The following VKORC1L1 variants were observed in gnomAD, a reference collection of about 807,000 sequenced individuals.
VKORC1L1 encodes vitamin K epoxide reductase complex subunit 1-like protein 1.
Under a neutral mutation model 18.9 loss-of-function variants are expected in VKORC1L1, and 2 were observed. The ratio of observed to expected loss-of-function variants is 0.11; its 90% confidence interval spans 0.04 to 0.33. VKORC1L1 has a LOEUF of 0.33. Among genes scored for constraint, VKORC1L1 ranks in the 10% least tolerant of loss-of-function variants. The pLI, the probability that VKORC1L1 is intolerant of heterozygous loss-of-function variation, is 1.00. For synonymous variants in VKORC1L1, 96 were observed against 100.0 expected (o/e 0.96, Z 0.24); for missense variants, 123 against 224.1 (o/e 0.55, Z 2.88).
intron 1 of VKORC1L1, among the ~76,000 whole-genome samples, chr7:65,916,676 G>A (rs1583846768): frequency 6.6e-6 from 1 of 151,254 alleles, no homozygotes; most frequent in Non-Finnish European, 1.5e-5. Context: ...TCAGCCCACT[G>A]CAACCTCCAC....
chr7:65,949,916 C>G (rs912562288), intron 2 of VKORC1L1, among the ~76,000 whole-genome samples: 2 of 152,176 alleles, frequency 1.3e-5, no homozygotes, highest in Admixed American at 1.3e-4. Context: ...TAAAGACCTC[C>G]TGCTCCTTCC....
At chr7:65,880,006 A>T (rs1004033753) in intron 1 of VKORC1L1, among the ~76,000 whole-genome samples, 8 of 151,838 alleles carry the variant, frequency 5.3e-5, no homozygotes, top group African/African-American at 1.9e-4. Context: ...TGCACACCCC[A>T]CCATGCCTAG....
At chr7:65,868,923 G>A (rs1788692898), upstream of VKORC1L1, among the ~76,000 whole-genome samples, 1 of 151,904 alleles carries the variant, frequency 6.6e-6, no homozygotes, top group Middle Eastern at 3.2e-3. Flanking sequence ...TATGCATATA[G>A]CACTCCACAA....
chr7:65,945,053 G>T (rs1790095803), intron 1 of VKORC1L1, among the ~76,000 whole-genome samples: 1 of 152,036 alleles, frequency 6.6e-6, no homozygotes, highest in African/African-American at 2.4e-5. Flanking sequence ...CTGAGGTCAG[G>T]TGTTCAAGAC....
chr7:65,894,270 T>A (rs78512229), intron 1 of VKORC1L1, among the ~76,000 whole-genome samples: 2 of 151,464 alleles, frequency 1.3e-5, no homozygotes, highest in Non-Finnish European at 2.9e-5. Flanking sequence ...TTTTTTTTTT[T>A]AATCTACACC....
rs566160668 is a variant in VKORC1L1, at chr7:65,955,171, GA to G, written c.*875del. 6.6e-6 allele frequency: 1 copy of G among 152,168 alleles called. No homozygotes were observed. Among genetic ancestry groups the G allele is most frequent in the Non-Finnish European group, 1.5e-5 (1 of 68,036 alleles). 9.4% of individuals were successfully genotyped at this position (152,168 alleles called of 1,614,324 possible). ...GGGAAAATGGGTATTTTTCTTTGGAGAAAAGCTGGAAATATAAACATGGCAT... is the reference window on the plus strand; with the variant it reads ...GGGAAAATGGGTATTTTTCTTTGGAGAAAGCTGGAAATATAAACATGGCAT... On this transcript the variant is annotated 3_prime_UTR_variant, in exon 3 of 3. Coordinates refer to ENST00000360768, the MANE Select transcript of VKORC1L1 (RefSeq NM_173517.6).
rs1583873062 is a variant in VKORC1L1, at chr7:65,955,745, T to C, written c.*1445T>C. 6.6e-6 allele frequency: 1 copy of C among 152,266 alleles called. No individual in the cohort carries two copies. Among genetic ancestry groups the C allele is most frequent in the East Asian group, 1.9e-4 (1 of 5,206 alleles). The allele number at this position is 152,266 out of a possible 1,614,324, so 9.4% of individuals were successfully genotyped here. On this transcript the variant is annotated 3_prime_UTR_variant, in exon 3 of 3. Transcript: ENST00000360768. ...CACTCTGCAGAAGGGTCCTGTGTGA[T>C]CACTTAATCCTCTGGTTGAGAAGCA...
At chr7:65,950,159 CTTTAATT>C (rs1409453870) in intron 2 of VKORC1L1, among the ~76,000 whole-genome samples, 2 of 151,946 alleles carry the variant, frequency 1.3e-5, no homozygotes, top group Non-Finnish European at 2.9e-5. Flanking sequence ...GTACCTATTA[CTTTAATT>C]TTTACTCTTT....
chr7:65,933,693 A>G (rs534902104), intron 1 of VKORC1L1, among the ~76,000 whole-genome samples: 1 of 152,178 alleles, frequency 6.6e-6, no homozygotes, highest in African/African-American at 2.4e-5. Flanking sequence ...TTTTAATGTA[A>G]TTGTTAGTAT....
chr7:65,876,467 A>G (rs999781788), intron 1 of VKORC1L1, among the ~76,000 whole-genome samples: 2 of 150,458 alleles, frequency 1.3e-5, no homozygotes, highest in African/African-American at 2.5e-5. Context: ...GCGCCATTGC[A>G]CTCCAGCCTG....
At chr7:65,883,783 C>G (rs1443531627) in intron 1 of VKORC1L1, among the ~76,000 whole-genome samples, 1 of 140,418 alleles carries the variant, frequency 7.1e-6, no homozygotes, top group Non-Finnish European at 1.6e-5. Flanking sequence ...CAGGTGCAAG[C>G]CACCACACCC....
At chr7:65,877,181 G>T (rs555741546) in intron 1 of VKORC1L1, among the ~76,000 whole-genome samples, 2 of 152,132 alleles carry the variant, frequency 1.3e-5, no homozygotes, top group African/African-American at 4.8e-5. Flanking sequence ...TTTTTTTCCA[G>T]TGTTTGATAA....
At chr7:65,948,026 G>A (rs1030541830) in intron 1 of VKORC1L1, among the ~76,000 whole-genome samples, 4 of 152,110 alleles carry the variant, frequency 2.6e-5, no homozygotes, top group African/African-American at 9.7e-5. Flanking sequence ...ATTTCTTAAT[G>A]CATATCCTGG....
At chr7:65,902,927 C>T (rs576669119) in intron 1 of VKORC1L1, among the ~76,000 whole-genome samples, 2 of 152,136 alleles carry the variant, frequency 1.3e-5, no homozygotes, top group African/African-American at 4.8e-5. Context: ...AGTGCAATGG[C>T]GTGATCTTGG....
intron 1 of VKORC1L1, among the ~76,000 whole-genome samples, chr7:65,947,377 T>C (rs1790137092): frequency 6.6e-6 from 1 of 152,028 alleles, no homozygotes; most frequent in Non-Finnish European, 1.5e-5. Context: ...TTAGATTTTG[T>C]TTAGACTGAT....
intron 1 of VKORC1L1, among the ~76,000 whole-genome samples, chr7:65,942,864 G>C (rs1378970240): frequency 2.0e-5 from 3 of 152,022 alleles, no homozygotes; most frequent in African/African-American, 7.3e-5. Flanking sequence ...TTGGTGTTGT[G>C]TTACTGTCAT....
At chr7:65,929,007 A>G (rs1044700263) in intron 1 of VKORC1L1, among the ~76,000 whole-genome samples, 9 of 152,164 alleles carry the variant, frequency 5.9e-5, no homozygotes, top group African/African-American at 1.4e-4. Context: ...GCATCTTTCC[A>G]TGTGCTTATA....
At chr7:65,877,106 C>T (rs1264228875) in intron 1 of VKORC1L1, among the ~76,000 whole-genome samples, 1 of 152,168 alleles carries the variant, frequency 6.6e-6, no homozygotes, top group Non-Finnish European at 1.5e-5. Context: ...AAAAGTGATA[C>T]ATGTATGTTC....
intron 2 of VKORC1L1, among the ~76,000 whole-genome samples, chr7:65,950,990 T>A (rs1790203197): frequency 1.3e-5 from 2 of 152,216 alleles, no homozygotes; most frequent in African/African-American, 2.4e-5. Flanking sequence ...TTGACTAGAT[T>A]AACTCTTGAA....
Sources: gnomAD v4.1 joint callset for allele counts (sites outside exome capture counted in the v4.1 genomes callset) on GRCh38, gnomAD v4.1.1 for gene constraint, MANE v1.5 for transcripts, NCBI Gene and HGNC (gene_info 2026-07-23, HGNC 2026-07-21) for gene names.